The following SMAD6 variants were observed in gnomAD, a reference collection of about 807,000 sequenced individuals.
The protein encoded by SMAD6 is SMAD family member 6.
A neutral mutation model predicts 39.4 loss-of-function variants in SMAD6; 103 were observed. The ratio of observed to expected loss-of-function variants is 2.62; its 90% CI spans 2.23 to 3.08. The LOEUF (loss-of-function observed/expected upper bound fraction) is 3.08, where lower values mean the gene tolerates loss of function less well. SMAD6 is among the 30% of genes most tolerant of loss of function. The probability of loss-of-function intolerance (pLI) is 0.00; values close to 1 mark genes in which losing one functional copy is unlikely to be tolerated. For missense variants in SMAD6, 1,104 were observed against 742.9 expected (o/e 1.49, Z -5.65); for synonymous variants, 445 against 353.3 (o/e 1.26, Z -2.91).
chr15:66,703,308 G>A lies in SMAD6; in HGVS notation c.50G>A (p.Arg17His). ...CTGGTGCGGCGACTTTGGCGAAGTC[G>A]TGTGGTCCCCGACCGGGAGGAAGGC... ...SGLVRRLWRS[R>H]VVPDREEGGS... Residue 17 changes from arginine (R) to histidine (H), a missense_variant, in exon 1 of 4, where the codon CGT (arginine) becomes CAT (histidine). Arg to His is a conservative substitution (Grantham distance 29). Transcript: ENST00000288840. 3 of 1,490,930 alleles carry A rather than the reference G, an allele frequency of 2.0e-6. No homozygotes were observed. Among genetic ancestry groups the A allele is most frequent in the Non-Finnish European group, 2.7e-6 (3 of 1,119,572 alleles). The allele number at this position is 1,490,930 out of a possible 1,614,324, so 92.4% of individuals were successfully genotyped here. A position where few individuals can be genotyped will look rare whatever the true frequency, so the allele number is the denominator to read the frequency against.
At chr15:66,768,246 A>G (rs559079894) in intron 3 of SMAD6, among the ~76,000 whole-genome samples, 3 of 152,288 alleles carry the variant, frequency 2.0e-5, no homozygotes, top group South Asian at 2.1e-4. Flanking sequence ...TGCTGGGATT[A>G]TAGGCATGAG....
At position 66,703,609 on chromosome 15, in the gene SMAD6, C is replaced by T. The variant is rs770962715; in HGVS notation, c.351C>T (p.Pro117=). 5 of 1,230,494 alleles carry T rather than the reference C, an allele frequency of 4.1e-6. No individual in the cohort carries two copies. The highest frequency in any genetic ancestry group is 1.6e-5 in the African/African-American group (1 of 63,522). 76.2% of individuals were successfully genotyped at this position (1,230,494 alleles called of 1,614,324 possible). The stretch of plus-strand genomic sequence containing the variant: ...AGCCGGGAGGCCCGGGCTGGCTGCC[C>T]GAGAGTGACTGCGAGACGGTGACCT... The part of the protein sequence containing the change: ...VAEPGGPGWL[P]ESDCETVTCC... The change falls in exon 1 of 4, where the codon CCC becomes CCT. Residue 117 remains proline, a synonymous_variant. Transcript: ENST00000288840.
chr15:66,703,798 GA>G lies in SMAD6; in HGVS notation c.542del (p.Lys181SerfsTer61). ...TCAAAACCGTCACGTACTCGCTGCT[GA>G]AGCGGCTCAAGGAGCGCTCGCTGGA... is the stretch of plus-strand genomic sequence containing the variant. ...ELKTVTYSLL[K>X]RLKERSLDTL... On this transcript the variant is annotated frameshift_variant, in exon 1 of 4. Coordinates refer to ENST00000288840, the MANE Select transcript of SMAD6 (RefSeq NM_005585.5). LOFTEE classifies it high-confidence loss of function. The G allele has an allele frequency of 6.9e-7, 1 of 1,441,934 alleles. No homozygotes were observed. The highest frequency in any genetic ancestry group is 9.2e-7 in the Non-Finnish European group (1 of 1,087,204). 89.3% of individuals were successfully genotyped at this position (1,441,934 alleles called of 1,614,324 possible).
At chr15:66,767,253 G>A (rs1213458357) in intron 3 of SMAD6, among the ~76,000 whole-genome samples, 1 of 152,190 alleles carries the variant, frequency 6.6e-6, no homozygotes, top group African/African-American at 2.4e-5. Context: ...CAGTTCAAAA[G>A]AACATCCCAC....
chr15:66,702,487 T>TG lies in SMAD6; in HGVS notation c.-768dup, dbSNP rs2140578643. 1 of 152,344 alleles carries TG rather than the reference T, an allele frequency of 6.6e-6. No individual in the cohort carries two copies. Among genetic ancestry groups the TG allele is most frequent in the Non-Finnish European group, 1.5e-5 (1 of 67,924 alleles). The allele number at this position is 152,344 out of a possible 1,614,324, so 9.4% of individuals were successfully genotyped here. On this transcript the variant is annotated 5_prime_UTR_variant, in exon 1 of 4. The change creates a premature stop within an existing upstream ORF in the 5' untranslated region. Transcript: ENST00000288840. The stretch of plus-strand genomic sequence containing the variant: ...GCGCACGAAGCGTCCGAGGGCAGCG[T>TG]GGGGCGGGCTGCGACCTCTGCATCG...
intron 3 of SMAD6, among the ~76,000 whole-genome samples, chr15:66,729,375 T>A (rs2140622973): frequency 6.6e-6 from 1 of 152,252 alleles, no homozygotes; most frequent in South Asian, 2.1e-4. Context: ...GGAAAAGAAG[T>A]GTGTTTCCAA....
At chr15:66,705,829 AAGGCTG>A (rs1428861240) in intron 1 of SMAD6, 1 of 151,706 alleles carries the variant, frequency 6.6e-6, no homozygotes, top group Non-Finnish European at 1.5e-5. Context: ...GAACTACCAG[AAGGCTG>A]TGGGTGTGTA....
intron 3 of SMAD6, among the ~76,000 whole-genome samples, chr15:66,771,576 C>T (rs576444721): frequency 6.6e-6 from 1 of 152,254 alleles, no homozygotes; most frequent in Admixed American, 6.5e-5. Context: ...CTCCTAAACC[C>T]CTCCTGCGAC....
Position 66,716,446 on chromosome 15 carries a change from C to A in SMAD6, c.900C>A (p.Tyr300Ter), listed in dbSNP as rs767259025. The A allele has an allele frequency of 3.7e-6, 6 of 1,613,708 alleles. No individual in the cohort carries two copies. The highest frequency in any genetic ancestry group is 1.3e-5 in the African/African-American group (1 of 74,926). ...PLDLSDSTLS[Y>*]TETEATNSLI... ...ATCTGTCCGATTCCACATTGTCTTA[C>A]ACTGAAACGGAGGCTACCAACTCCC... Residue 300 changes from tyrosine to a stop codon, truncating the protein, a stop_gained, in exon 3 of 4, where the codon TAC (tyrosine) becomes TAA (stop). Coordinates refer to ENST00000288840, the MANE Select transcript of SMAD6 (RefSeq NM_005585.5). LOFTEE classifies it high-confidence loss of function.
At chr15:66,756,215 C>A (rs1424913532) in intron 3 of SMAD6, among the ~76,000 whole-genome samples, 1 of 151,916 alleles carries the variant, frequency 6.6e-6, no homozygotes, top group African/African-American at 2.4e-5. Flanking sequence ...TGGGGGGTGC[C>A]TGGGAGTGCA....
intron 3 of SMAD6, among the ~76,000 whole-genome samples, chr15:66,736,716 G>A (rs1002482012): frequency 2.0e-5 from 3 of 151,880 alleles, no homozygotes; most frequent in Admixed American, 6.5e-5. Context: ...CACCAGAGCG[G>A]AGTGTAGTGG....
chr15:66,760,220 G>A lies in SMAD6; in HGVS notation c.953-20777G>A, dbSNP rs530373168. Among the ~76,000 whole-genome samples, 36 of 151,858 alleles carry A rather than the reference G, an allele frequency of 2.4e-4. 1 individual carries two copies. The highest frequency in any genetic ancestry group is 6.3e-4 in the African/African-American group (26 of 41,386). On this transcript the variant is annotated intron_variant, in intron 3 of 3. Coordinates refer to ENST00000288840, the MANE Select transcript of SMAD6 (RefSeq NM_005585.5). ...CCCCTCATTTATAATGCTCTTTTGC[G>A]ATCACACCCTTTCTTCCTGTTGGAC...
At chr15:66,734,974 C>T (rs1399853733) in intron 3 of SMAD6, among the ~76,000 whole-genome samples, 3 of 152,246 alleles carry the variant, frequency 2.0e-5, no homozygotes, top group Non-Finnish European at 4.4e-5. Context: ...ATGGCTGTGT[C>T]TCCCAGCAGG....
intron 3 of SMAD6, among the ~76,000 whole-genome samples, chr15:66,752,655 G>A (rs931636060): frequency 6.6e-5 from 10 of 152,194 alleles, no homozygotes; most frequent in South Asian, 2.1e-4. Flanking sequence ...TTAGCTGGGC[G>A]TGGTGGCACA....
intron 3 of SMAD6, among the ~76,000 whole-genome samples, chr15:66,746,027 T>G (rs902732230): frequency 6.6e-6 from 1 of 152,174 alleles, no homozygotes; most frequent in African/African-American, 2.4e-5. Flanking sequence ...GCCTCGCTGG[T>G]GGGCCCGGAT....
chr15:66,781,250 C>G lies in SMAD6; in HGVS notation c.1206C>G (p.Ala402=), dbSNP rs565415984. ...GCAAGGAGCCCGACGGCGTGTGGGC[C>G]TACAACCGCGGCGAGCACCCCATCT... ...LLSKEPDGVW[A]YNRGEHPIFV... Residue 402 remains alanine, a synonymous_variant, in exon 4 of 4, where the codon GCC becomes GCG. Transcript: ENST00000288840. 5.6e-5 allele frequency: 90 copies of G among 1,608,444 alleles called. No homozygotes were observed. Among genetic ancestry groups the G allele is most frequent in the Non-Finnish European group, 7.4e-5 (87 of 1,179,436 alleles).
At chr15:66,741,368 A>T (rs1821001490) in intron 3 of SMAD6, among the ~76,000 whole-genome samples, 1 of 152,126 alleles carries the variant, frequency 6.6e-6, no homozygotes, top group Non-Finnish European at 1.5e-5. Flanking sequence ...TGGATTGCCG[A>T]GGGGCTTCGC....
intron 3 of SMAD6, among the ~76,000 whole-genome samples, chr15:66,777,648 G>T (rs751900426): frequency 3.3e-5 from 5 of 152,200 alleles, no homozygotes; most frequent in Non-Finnish European, 5.9e-5. Context: ...AGACCAACTG[G>T]GGGGCACTGA....
intron 3 of SMAD6, chr15:66,717,635 G>A (rs1023994156): frequency 2.7e-5 from 10 of 365,436 alleles, no homozygotes; most frequent in African/African-American, 1.7e-4. Context: ...CAGAGCCTTT[G>A]CCTATCCATT....
Sources: gnomAD v4.1 joint callset for allele counts (sites outside exome capture counted in the v4.1 genomes callset) on GRCh38, gnomAD v4.1.1 for gene constraint, MANE v1.5 for transcripts, NCBI Gene and HGNC (gene_info 2026-07-23, HGNC 2026-07-21) for gene names.